The following MYH4 variants were observed in gnomAD, a reference collection of about 807,000 sequenced individuals.
The protein encoded by MYH4 is myosin-4.
Under a neutral mutation model 229.9 loss-of-function variants are expected in MYH4, and 200 were observed. That is an observed-to-expected ratio of 0.87 (90% CI 0.78 to 0.98). The LOEUF (loss-of-function observed/expected upper bound fraction) is 0.98, where lower values mean the gene tolerates loss of function less well. Among genes scored for constraint, MYH4 ranks in the 50% least tolerant of loss-of-function variants. The probability of loss-of-function intolerance (pLI) is 0.00; values close to 1 mark genes in which losing one functional copy is unlikely to be tolerated. For missense variants in MYH4, 2,148 were observed against 2,332.6 expected, an observed-to-expected ratio of 0.92 and a Z score of 1.63; for synonymous variants, 761 against 834.6, an observed-to-expected ratio of 0.91 and a Z score of 1.52.
intron 2 of MYH4, among the ~76,000 whole-genome samples, chr17:10,467,957 G>A (rs1032872321): frequency 5.9e-5 from 9 of 152,176 alleles, no homozygotes; most frequent in African/African-American, 1.7e-4. Flanking sequence ...ACCTTCTGTA[G>A]GCTTTCCAGA....
At position 10,454,797 on chromosome 17, in the gene MYH4, A is replaced by G; in HGVS notation, c.2449T>C (p.Cys817Arg). 1 of 1,614,024 alleles carries G rather than the reference A, an allele frequency of 6.2e-7. No homozygotes were observed. Among genetic ancestry groups the G allele is most frequent in the Non-Finnish European group, 8.5e-7 (1 of 1,179,966 alleles). Residue 817 changes from cysteine to arginine, a missense_variant, in exon 22 of 40, where the codon TGC becomes CGC. Cys to Arg is a radical substitution (Grantham distance 180). Coordinates refer to ENST00000255381, the MANE Select transcript of MYH4 (RefSeq NM_017533.2). ...AAAGCACGGATGTTGTACTGAATGC[A>G]GAAGATGGACTCTCTGTAGGAAAAG... ...KMMERRESIF[C>R]IQYNIRAFMN...
chr17:10,447,017 G>A lies in MYH4; in HGVS notation c.5165C>T (p.Thr1722Ile), dbSNP rs1037000677. The A allele has an allele frequency of 8.7e-6, 14 of 1,613,700 alleles. No individual in the cohort carries two copies. The highest frequency in any genetic ancestry group is 1.1e-5 in the Non-Finnish European group (13 of 1,179,824). ...DASERVQLLH[T>I]QNTSLINTKK... ...AACCATAGTCTTGAACCTCACCTGA[G>A]TGTGCAGAAGTTGCACACGTTCACT... The change falls in exon 35 of 40, where the codon ACT (threonine) becomes ATT (isoleucine). Residue 1722 changes from threonine to isoleucine, a missense_variant. Coordinates refer to ENST00000255381, the MANE Select transcript of MYH4 (RefSeq NM_017533.2).
chr17:10,460,359 G>A (rs2072687548), intron 12 of MYH4, 38 bp from the exon 13 acceptor site: 6 of 1,405,932 alleles, frequency 4.3e-6, no homozygotes, highest in Non-Finnish European at 5.9e-6. Flanking sequence ...ACTGACCATG[G>A]CTTACACAAT....
intron 28 of MYH4, 152 bp from the exon 29 acceptor site, chr17:10,451,047 A>C (rs923135251): frequency 1.2e-6 from 1 of 857,298 alleles, no homozygotes; most frequent in Non-Finnish European, 1.8e-6. Flanking sequence ...CTTGCTTTTT[A>C]AAAAATGTAT....
chr17:10,447,913 C>A lies in MYH4; in HGVS notation c.4870G>T (p.Gly1624Ter). ...DALRIKKKME[G>*]DLNEMEIQLN... ...TGGATTTCCATTTCATTAAGATCTC[C>A]CTCCATCTTCTTCTTGATCCTCAGA... The change falls in exon 34 of 40, where the codon GGA becomes TGA. Residue 1624 changes from glycine (G) to a stop codon, truncating the protein, a stop_gained. Coordinates refer to ENST00000255381, the MANE Select transcript of MYH4 (RefSeq NM_017533.2). LOFTEE classifies it high-confidence loss of function. The A allele has an allele frequency of 1.9e-6, 3 of 1,614,016 alleles. No homozygotes were observed. The highest frequency in any genetic ancestry group is 2.5e-6 in the Non-Finnish European group (3 of 1,179,982).
Position 10,452,404 on chromosome 17 carries a change from G to T in MYH4, c.3348+12C>A. The T allele has an allele frequency of 1.2e-6, 2 of 1,614,128 alleles. No individual in the cohort carries two copies. Among genetic ancestry groups the T allele is most frequent in the Non-Finnish European group, 1.7e-6 (2 of 1,179,996 alleles). On this transcript the variant is annotated intron_variant, in intron 26 of 39. Coordinates refer to ENST00000255381, the MANE Select transcript of MYH4 (RefSeq NM_017533.2). ...CCTGTAATGCCCAGAAAAGGTGGAGGTTATAACTTACCTGTAATTCTTTGA... is the reference window on the plus strand; with the variant it reads ...CCTGTAATGCCCAGAAAAGGTGGAGTTTATAACTTACCTGTAATTCTTTGA...
chr17:10,460,243 A>T lies in MYH4; in HGVS notation c.1226T>A (p.Val409Asp), dbSNP rs142060534. The part of the protein sequence containing the change: ...LKSLCYPRVK[V>D]GNEFVTKGQT... ...GCCTTTGGTTACGAACTCATTGCCG[A>T]CCTTGACTCTGGGATAGCAGAGAGA... is the stretch of plus-strand genomic sequence containing the variant. Residue 409 changes from valine (V) to aspartate (D), a missense_variant, in exon 13 of 40, where the codon GTC (valine) becomes GAC (aspartate). Transcript: ENST00000255381. 3.6e-4 allele frequency: 588 copies of T among 1,614,106 alleles called. 6 individuals are homozygous for T. In the Middle Eastern group the frequency reaches 5.1e-3, roughly 14 times the overall value.
At chr17:10,446,763 G>A (rs537282168) in intron 35 of MYH4, among the ~76,000 whole-genome samples, 33 of 152,228 alleles carry the variant, frequency 2.2e-4, no homozygotes, top group African/African-American at 7.2e-4. Context: ...TTTATTTGTA[G>A]ATGGTCTTCT....
Position 10,450,558 on chromosome 17 carries a change from G to A in MYH4, c.4076C>T (p.Ala1359Val), listed in dbSNP as rs1187512563. 2 of 1,614,048 alleles carry A rather than the reference G, an allele frequency of 1.2e-6. No homozygotes were observed. Among genetic ancestry groups the A allele is most frequent in the Non-Finnish European group, 1.7e-6 (2 of 1,180,034 alleles). Residue 1359 changes from alanine to valine, a missense_variant, in exon 30 of 40, where the codon GCT becomes GTT. Transcript: ENST00000255381. ...CTTGGACATTCCCCTCTGCAGCTCAGCCTTGGCTTCCTGCTCCTCCTCATA... is the reference window on the plus strand; with the variant it reads ...CTTGGACATTCCCCTCTGCAGCTCAACCTTGGCTTCCTGCTCCTCCTCATA... ...EQYEEEQEAK[A>V]ELQRGMSKAN...
intron 19 of MYH4, 97 bp downstream of exon 19, chr17:10,455,517 C>G (rs1245876499): frequency 2.0e-6 from 3 of 1,479,182 alleles, no homozygotes; most frequent in Non-Finnish European, 2.8e-6. Context: ...CAAATAATTG[C>G]ATGTCATTTT....
rs201166283 is a variant in MYH4, at chr17:10,457,540, T to C, written c.1777A>G (p.Ile593Val). 6.2e-7 allele frequency: 1 copy of C among 1,614,158 alleles called. No individual in the cohort carries two copies. The highest frequency in any genetic ancestry group is 2.2e-5 in the East Asian group (1 of 44,882). Reference protein sequence around the residue: ...VHYAGTVDYNIAGWLDKNKDP... With the variant: ...VHYAGTVDYNVAGWLDKNKDP... ...TTGTTTTTGTCCAGCCAGCCGGCGA[T>C]GTTGTAGTCCACGGTGCCGGCATAG... The change falls in exon 16 of 40, where the codon ATC becomes GTC. Residue 593 changes from isoleucine (I) to valine (V), a missense_variant. Transcript: ENST00000255381.
chr17:10,467,620 G>T (rs933359184), intron 2 of MYH4, among the ~76,000 whole-genome samples: 3 of 151,834 alleles, frequency 2.0e-5, no homozygotes, highest in African/African-American at 7.3e-5. Flanking sequence ...TTTTTAGTTG[G>T]ATTTCAACCT....
chr17:10,446,389 C>A lies in MYH4; in HGVS notation c.5169+624G>T, dbSNP rs961830410. ...TCTGGATGTTTCCTATATGTTTATA[C>A]GGGAAAAAAGATCACACAGCCTATA... On this transcript the variant is annotated intron_variant, in intron 35 of 39. Transcript: ENST00000255381. 3.3e-5 allele frequency among the ~76,000 whole-genome samples: 5 copies of A among 152,022 alleles called. No homozygotes were observed. The East Asian group carries it at 9.7e-4, about 29-fold the overall frequency.
intron 15 of MYH4, among the ~76,000 whole-genome samples, chr17:10,458,791 G>A (rs1051628672): frequency 6.6e-6 from 1 of 152,144 alleles, no homozygotes; most frequent in Non-Finnish European, 1.5e-5. Context: ...TAGTTATCAT[G>A]AACGGGGAAA....
At chr17:10,453,397 T>C in intron 23 of MYH4, 69 bp from the exon 24 acceptor site, 1 of 1,609,808 alleles carries the variant, frequency 6.2e-7, no homozygotes, top group Non-Finnish European at 8.5e-7. Context: ...CATGATGCTG[T>C]AGTATCTTAG....
In MYH4 at chr17:10,460,998, G is replaced by A. The variant is rs745690557; in HGVS notation, c.1065C>T (p.Leu355=). The A allele has an allele frequency of 2.4e-5, 38 of 1,613,882 alleles. No homozygotes were observed. In the Admixed American group the frequency reaches 6.3e-4, roughly 27 times the overall value. ...TCCCATAATGCATCACGGCTCCAGTGAGCTTGTAAATGGCCACCTTTTCAT... is the reference window on the plus strand; with the variant it reads ...TCCCATAATGCATCACGGCTCCAGTAAGCTTGTAAATGGCCACCTTTTCAT... The part of the protein sequence containing the change: ...TADEKVAIYK[L]TGAVMHYGNM... The change falls in exon 12 of 40, where the codon CTC becomes CTT. Residue 355 remains leucine, a synonymous_variant. Coordinates refer to ENST00000255381, the MANE Select transcript of MYH4 (RefSeq NM_017533.2).
intron 2 of MYH4, among the ~76,000 whole-genome samples, chr17:10,469,005 T>C (rs1280873447): frequency 6.6e-6 from 1 of 152,220 alleles, no homozygotes; most frequent in Non-Finnish European, 1.5e-5. Context: ...CTCTCTGATA[T>C]ATCTTTATGG....
chr17:10,453,505 G>C (rs2072601564), intron 23 of MYH4, 138 bp downstream of exon 23: 9 of 1,547,136 alleles, frequency 5.8e-6, no homozygotes, highest in Non-Finnish European at 7.9e-6. Context: ...AGTACATTGA[G>C]GTGGTGAAGA....
Position 10,463,141 on chromosome 17 carries a change from T to C in MYH4, c.853A>G (p.Ser285Gly). 1 of 1,613,744 alleles carries C rather than the reference T, an allele frequency of 6.2e-7. No homozygotes were observed. The highest frequency in any genetic ancestry group is 8.5e-7 in the Non-Finnish European group (1 of 1,179,862). Residue 285 changes from serine (S) to glycine (G), a missense_variant, in exon 10 of 40, where the codon AGC (serine) becomes GGC (glycine). Coordinates refer to ENST00000255381, the MANE Select transcript of MYH4 (RefSeq NM_017533.2). ...RVTFQLKAER[S>G]YHIFYQILSN... ...AGGATTTGATAAAATATGTGGTAGC[T>C]TCTTTCAGCCTTTAGCTGAAAAGTA...
Sources: allele counts gnomAD v4.1 joint callset (sites outside exome capture counted in the v4.1 genomes callset), GRCh38; gene constraint gnomAD v4.1.1; transcripts MANE v1.5; gene names NCBI Gene and HGNC (gene_info 2026-07-23, HGNC 2026-07-21).